The following NLGN1 variants were observed in gnomAD, a reference collection of about 807,000 sequenced individuals.
NLGN1 encodes the protein neuroligin 1, also known as neuroligin-1.
A neutral mutation model predicts 65.5 loss-of-function variants in NLGN1; 12 were observed. That is an observed-to-expected ratio of 0.18 (90% CI 0.12 to 0.30). NLGN1 has a LOEUF of 0.30. Among genes scored for constraint, NLGN1 ranks in the 10% least tolerant of loss-of-function variants. The pLI is 1.00. For missense variants in NLGN1, 750 were observed against 1,007.1 expected, an observed-to-expected ratio of 0.74 and a Z score of 3.46; for synonymous variants, 350 against 359.5, an observed-to-expected ratio of 0.97 and a Z score of 0.30.
At chr3:173,470,273 A>G (rs1246382661) in intron 2 of NLGN1, among the ~76,000 whole-genome samples, 1 of 151,804 alleles carries the variant, frequency 6.6e-6, no homozygotes, top group East Asian at 1.9e-4. Context: ...TGCTGTCTCC[A>G]TTTCTTTTTC....
intron 4 of NLGN1, among the ~76,000 whole-genome samples, chr3:174,254,061 A>G (rs775678087): frequency 6.6e-6 from 1 of 152,070 alleles, no homozygotes; most frequent in Non-Finnish European, 1.5e-5. Flanking sequence ...TAAACAGCTA[A>G]CTCAGAACTA....
At chr3:173,588,944 A>T (rs1747969112) in intron 2 of NLGN1, among the ~76,000 whole-genome samples, 1 of 152,332 alleles carries the variant, frequency 6.6e-6, no homozygotes, top group African/African-American at 2.4e-5. Context: ...TTAATAATAC[A>T]CATATTAGGG....
chr3:174,109,996 T>C (rs1422316661), intron 4 of NLGN1, among the ~76,000 whole-genome samples: 1 of 152,050 alleles, frequency 6.6e-6, no homozygotes, highest in Non-Finnish European at 1.5e-5. Flanking sequence ...TAAATCACCA[T>C]CTTTGTTGAA....
At chr3:173,426,100 G>T (rs1716047413) in intron 1 of NLGN1, among the ~76,000 whole-genome samples, 1 of 151,900 alleles carries the variant, frequency 6.6e-6, no homozygotes, top group African/African-American at 2.4e-5. Flanking sequence ...ATTATAAATG[G>T]AATTACCTTC....
At chr3:174,218,619 C>T (rs1005342024) in intron 4 of NLGN1, among the ~76,000 whole-genome samples, 8 of 152,010 alleles carry the variant, frequency 5.3e-5, no homozygotes, top group Non-Finnish European at 7.4e-5. Context: ...CTTTGGGACT[C>T]TCTTAGATGA....
At chr3:173,868,100 C>A (rs964792818) in intron 4 of NLGN1, among the ~76,000 whole-genome samples, 4 of 152,144 alleles carry the variant, frequency 2.6e-5, no homozygotes, top group African/African-American at 4.8e-5. Flanking sequence ...CAATTTATAT[C>A]TATGGCTTTC....
intron 4 of NLGN1, among the ~76,000 whole-genome samples, chr3:174,241,431 T>G (rs527911658): frequency 1.3e-4 from 20 of 152,058 alleles, no homozygotes; most frequent in African/African-American, 4.8e-4. Flanking sequence ...TGTGTTGACC[T>G]TGGACTTCTG....
intron 3 of NLGN1, among the ~76,000 whole-genome samples, chr3:173,673,250 T>G (rs1459853498): frequency 1.3e-5 from 2 of 152,222 alleles, no homozygotes; most frequent in East Asian, 3.8e-4. Context: ...TAATTTATGT[T>G]AAGTCATTCC....
intron 3 of NLGN1, among the ~76,000 whole-genome samples, chr3:173,774,701 T>C (rs1015066482): frequency 2.0e-5 from 3 of 152,224 alleles, no homozygotes; most frequent in Non-Finnish European, 2.9e-5. Context: ...GATCACTTGC[T>C]CTCTGTCTTC....
At chr3:173,859,463 AGAGAACCCC>A (rs1310563488) in intron 4 of NLGN1, among the ~76,000 whole-genome samples, 1 of 152,144 alleles carries the variant, frequency 6.6e-6, no homozygotes, top group Non-Finnish European at 1.5e-5. Context: ...ATGTATTCAG[AGAGAACCCC>A]GATGCCTGTA....
intron 4 of NLGN1, among the ~76,000 whole-genome samples, chr3:174,273,994 A>T (rs1317058745): frequency 6.6e-6 from 1 of 151,574 alleles, no homozygotes; most frequent in Non-Finnish European, 1.5e-5. Flanking sequence ...TATTTTATAA[A>T]GAGATATATT....
intron 4 of NLGN1, among the ~76,000 whole-genome samples, chr3:173,896,783 C>G (rs558676730): frequency 1.1e-4 from 17 of 152,270 alleles, no homozygotes; most frequent in Admixed American, 2.0e-4. Context: ...ACCTCCTTAT[C>G]TAGCACCACT....
At chr3:173,569,459 CATAT>C (rs886508808) in intron 2 of NLGN1, among the ~76,000 whole-genome samples, 4 of 151,890 alleles carry the variant, frequency 2.6e-5, no homozygotes, top group Non-Finnish European at 5.9e-5. Flanking sequence ...ATATTATAGA[CATAT>C]TTTCGGAGAA....
At chr3:173,883,931 C>T (rs1366509656) in intron 4 of NLGN1, among the ~76,000 whole-genome samples, 2 of 148,554 alleles carry the variant, frequency 1.3e-5, no homozygotes, top group African/African-American at 5.0e-5. Context: ...GAGAAATTGT[C>T]GTTCTAGCAT....
rs9871231 is a variant in NLGN1 at position 173,698,006 on chromosome 3, A to G, written c.493+92915A>G. Among the ~76,000 whole-genome samples, 716 of 149,748 alleles carry G rather than the reference A, an allele frequency of 4.8e-3. 8 individuals carry two copies. Among genetic ancestry groups the G allele is most frequent in the African/African-American group, 0.017 (689 of 40,582 alleles). ...GCAGTGGATGGTAACCAGTGGCCTAAACGCATAAGGACAAAGCTTAAAAAA... is the reference window on the plus strand; with the variant it reads ...GCAGTGGATGGTAACCAGTGGCCTAGACGCATAAGGACAAAGCTTAAAAAA... On this transcript the variant is annotated intron_variant, in intron 3 of 6. Coordinates refer to ENST00000457714, the Ensembl canonical transcript of NLGN1.
intron 3 of NLGN1, among the ~76,000 whole-genome samples, chr3:173,748,592 T>C (rs1305895871): frequency 6.6e-6 from 1 of 152,122 alleles, no homozygotes; most frequent in African/African-American, 2.4e-5. Flanking sequence ...GGTGACTGCC[T>C]AATTTACATG....
chr3:173,925,493 T>C (rs1742833470), intron 4 of NLGN1, among the ~76,000 whole-genome samples: 1 of 152,104 alleles, frequency 6.6e-6, no homozygotes, highest in Non-Finnish European at 1.5e-5. Context: ...CAGTATAGAG[T>C]AGTAACAATT....
chr3:173,896,843 ACT>A (rs1378352726), intron 4 of NLGN1, among the ~76,000 whole-genome samples: 1 of 151,762 alleles, frequency 6.6e-6, no homozygotes, highest in Non-Finnish European at 1.5e-5. Context: ...AGAGACCTGG[ACT>A]CTCAATTATC....
At chr3:173,537,374 G>A (rs940182224) in intron 2 of NLGN1, among the ~76,000 whole-genome samples, 1 of 152,016 alleles carries the variant, frequency 6.6e-6, no homozygotes, top group Non-Finnish European at 1.5e-5. Flanking sequence ...TAAAGTCCTC[G>A]AGTAATGTTA....
Sources: gnomAD v4.1 joint callset for allele counts (sites outside exome capture counted in the v4.1 genomes callset) on GRCh38, gnomAD v4.1.1 for gene constraint, MANE v1.5 for transcripts, NCBI Gene and HGNC (gene_info 2026-07-23, HGNC 2026-07-21) for gene names.